Variants in CELF2 observed in about 807,000 individuals in gnomAD.
CELF2 encodes the protein CUGBP Elav-like family member 2, also known as CUG triplet repeat RNA-binding protein 2.
A neutral mutation model predicts 62.6 loss-of-function variants in CELF2; 8 were observed. The ratio of observed to expected loss-of-function variants is 0.13; its 90% CI spans 0.07 to 0.23. The LOEUF (loss-of-function observed/expected upper bound fraction) is 0.23, where lower values mean the gene tolerates loss of function less well. CELF2 is among the 10% of genes least tolerant of loss of function. The probability of loss-of-function intolerance (pLI) is 1.00; values close to 1 mark genes in which losing one functional copy is unlikely to be tolerated. For missense variants in CELF2, 333 were observed against 671.0 expected (o/e 0.50, Z 5.56); for synonymous variants, 258 against 250.0 (o/e 1.03, Z -0.30).
At chr10:10,746,114 A>T in the CELF2 span, among the ~76,000 whole-genome samples, 1 of 152,186 alleles carries the variant, frequency 6.6e-6, no homozygotes, top group African/African-American at 2.4e-5. Context: ...CCATTCATCT[A>T]ACACAGATCA....
rs763194079 is a variant in CELF2, at chr10:11,159,952, C to T, written c.75-5534C>T. ...CATACCTGGCAAGAGATGGGGCTCT[C>T]GCAGCACCCCAATTAACCGGCCACT... On this transcript the variant is annotated intron_variant, in intron 1 of 12. Coordinates refer to ENST00000633077, the MANE Select transcript of CELF2 (RefSeq NM_001326342.2). This position sits in a 1 kb window ranked among gnomAD's most constrained non-coding sequence, Gnocchi z 5.0. Among the ~76,000 whole-genome samples, 5 of 152,310 alleles carry T rather than the reference C, an allele frequency of 3.3e-5. No individual in the cohort carries two copies. The South Asian group carries it at 8.3e-4, about 25-fold the overall frequency.
At chr10:10,742,844 A>G in the CELF2 span, among the ~76,000 whole-genome samples, 1 of 152,180 alleles carries the variant, frequency 6.6e-6, no homozygotes, top group Non-Finnish European at 1.5e-5. Context: ...AGGATTTGTG[A>G]TCTCTATTAA....
chr10:11,232,760 T>C (rs755796265), intron 3 of CELF2, among the ~76,000 whole-genome samples: 21 of 152,100 alleles, frequency 1.4e-4, no homozygotes, highest in Non-Finnish European at 2.5e-4. Flanking sequence ...CCCACATTCA[T>C]GGATAGGAGA....
intron 2 of CELF2, among the ~76,000 whole-genome samples, chr10:11,200,887 A>C (rs2135213635): frequency 6.6e-6 from 1 of 152,340 alleles, no homozygotes; most frequent in East Asian, 1.9e-4. Flanking sequence ...AGCAAATGAA[A>C]TTTGAGAATT....
the CELF2 span, among the ~76,000 whole-genome samples, chr10:10,604,027 C>G: frequency 6.6e-6 from 1 of 151,994 alleles, no homozygotes; most frequent in South Asian, 2.1e-4. Flanking sequence ...TAGCCAACAA[C>G]AACAAAACCC....
the CELF2 span, among the ~76,000 whole-genome samples, chr10:10,631,811 G>A: frequency 1.3e-5 from 2 of 152,122 alleles, no homozygotes; most frequent in African/African-American, 4.8e-5. Context: ...AAGAAAATGG[G>A]AAAAGTATTG....
rs551797459 is a variant in CELF2 at position 11,282,514 on chromosome 10, C to T, written c.842-5904C>T. Among the ~76,000 whole-genome samples, 18 of 152,326 alleles carry T rather than the reference C, an allele frequency of 1.2e-4. No individual in the cohort carries two copies. In the South Asian group the frequency reaches 2.7e-3, roughly 23 times the overall value. The stretch of plus-strand genomic sequence containing the variant: ...AAGGCACTGAGGAGCTTGCCTGGCA[C>T]GCGCTTTGTTCTTGCTTCTGCTGTC... On this transcript the variant is annotated intron_variant, in intron 8 of 12. Transcript: ENST00000633077.
intron 2 of CELF2, among the ~76,000 whole-genome samples, chr10:11,187,162 G>T (rs1379968335): frequency 2.0e-5 from 3 of 152,126 alleles, no homozygotes; most frequent in Non-Finnish European, 4.4e-5. Flanking sequence ...TCGTGTATTT[G>T]TGTATTTCTC....
intron 1 of CELF2, among the ~76,000 whole-genome samples, chr10:10,876,211 G>A (rs985131977): frequency 2.6e-5 from 4 of 152,152 alleles, no homozygotes; most frequent in African/African-American, 4.8e-5. Context: ...GCTTCCATTT[G>A]AATACCAACT....
the CELF2 span, among the ~76,000 whole-genome samples, chr10:10,542,237 T>G: frequency 2.0e-5 from 3 of 152,086 alleles, no homozygotes; most frequent in Admixed American, 1.3e-4. Context: ...GTTTTACAGA[T>G]AAGGAAACTG....
the CELF2 span, among the ~76,000 whole-genome samples, chr10:10,474,222 A>G: frequency 6.6e-6 from 1 of 151,992 alleles, no homozygotes; most frequent in South Asian, 2.1e-4. Flanking sequence ...GCAGGATGAC[A>G]GCTTGAGCCC....
the CELF2 span, among the ~76,000 whole-genome samples, chr10:10,634,133 ACAAATT>A: frequency 1.3e-5 from 2 of 152,152 alleles, no homozygotes; most frequent in East Asian, 3.8e-4. Context: ...CATGAAATTT[ACAAATT>A]CATGTAAGAT....
the CELF2 span, among the ~76,000 whole-genome samples, chr10:10,696,946 C>G: frequency 2.0e-5 from 3 of 152,316 alleles, no homozygotes; most frequent in Non-Finnish European, 4.4e-5. Context: ...CCGTCTTCTG[C>G]GTCGCTCACG....
At chr10:10,494,884 G>C in the CELF2 span, among the ~76,000 whole-genome samples, 1 of 152,138 alleles carries the variant, frequency 6.6e-6, no homozygotes, top group African/African-American at 2.4e-5. Context: ...AATCAAGCTA[G>C]GGTGGATTGG....
chr10:11,056,877 A>G (rs2065363950), intron 1 of CELF2, among the ~76,000 whole-genome samples: 4 of 152,168 alleles, frequency 2.6e-5, no homozygotes, highest in South Asian at 4.1e-4. Context: ...AAGTCATAGT[A>G]CTGGGGGAAG....
At chr10:10,825,962 G>A (rs749264018) in intron 1 of CELF2, among the ~76,000 whole-genome samples, 20 of 152,110 alleles carry the variant, frequency 1.3e-4, no homozygotes, top group African/African-American at 2.7e-4. Context: ...TCCAATGAGC[G>A]TATACTCTCT....
chr10:10,937,121 C>CTTTTTTTTTTTTT (rs373143426), intron 2 of CELF2, among the ~76,000 whole-genome samples: 1 of 90,536 alleles, frequency 1.1e-5, no homozygotes, highest in Non-Finnish European at 2.0e-5. Flanking sequence ...TTTTTCTTTT[C>CTTTTTTTTTTTTT]TTTTTTTTTT....
the CELF2 span, among the ~76,000 whole-genome samples, chr10:10,630,713 T>C: frequency 6.6e-6 from 1 of 152,186 alleles, no homozygotes; most frequent in East Asian, 1.9e-4. Context: ...GGCAGTGGGA[T>C]GGATGGAATA....
the CELF2 span, among the ~76,000 whole-genome samples, chr10:10,650,086 C>T: frequency 5.9e-5 from 9 of 152,278 alleles, no homozygotes; most frequent in South Asian, 4.1e-4. Context: ...TTTGATGCTC[C>T]GCAGATGCTG....
Sources: gnomAD v4.1 joint callset for allele counts (sites outside exome capture counted in the v4.1 genomes callset) on GRCh38, gnomAD v4.1.1 for gene constraint, Gnocchi (gnomAD v3.1) non-coding constraint, MANE v1.5 for transcripts, NCBI Gene and HGNC (gene_info 2026-07-23, HGNC 2026-07-21) for gene names.